MEGF11: variants seen among roughly 807,000 people sequenced by gnomAD.
MEGF11 encodes multiple epidermal growth factor-like domains protein 11.
A neutral mutation model predicts 146.6 loss-of-function variants in MEGF11; 126 were observed. That is an observed-to-expected ratio of 0.86 (90% CI 0.74 to 1.00). MEGF11 has a LOEUF of 1.00. Ranked by LOEUF, MEGF11 falls within the 50% of genes least tolerant of loss-of-function variation. MEGF11 has a pLI of 0.00. For missense variants in MEGF11, 1,509 were observed against 1,521.2 expected, an observed-to-expected ratio of 0.99 and a Z score of 0.13; for synonymous variants, 532 against 583.4, an observed-to-expected ratio of 0.91 and a Z score of 1.27.
At chr15:65,988,335 AT>A (rs2081934829) in intron 5 of MEGF11, among the ~76,000 whole-genome samples, 1 of 152,106 alleles carries the variant, frequency 6.6e-6, no homozygotes, top group African/African-American at 2.4e-5. Context: ...GCCTGTTTAG[AT>A]ATTTCTAGAT....
rs979521048 is a variant in MEGF11, at chr15:66,045,279, C to T, written c.394+49123G>A. ...ACAGAGCCTCTCATACCTCACTGCT[C>T]TCCTGTGGATGCCTAGAGCCCTGTG... On this transcript the variant is annotated intron_variant, in intron 5 of 25. Transcript: ENST00000395614. Among the ~76,000 whole-genome samples the T allele has an allele frequency of 2.0e-5, 3 of 152,328 alleles. No individual in the cohort carries two copies. The East Asian group carries it at 5.8e-4, about 29-fold the overall frequency.
rs549840817 is a variant in MEGF11 at position 66,136,243 on chromosome 15, G to A, written c.-8-7832C>T. On this transcript the variant is annotated intron_variant, in intron 1 of 25. Coordinates refer to ENST00000395614, the MANE Select transcript of MEGF11 (RefSeq NM_001385028.1). ...GCAAACTGCAGCCCAGTGGTGAAAC[G>A]CGGAGATCAGTATTGCTGTCGTGGT... Among the ~76,000 whole-genome samples, 12 of 152,352 alleles carry A rather than the reference G, an allele frequency of 7.9e-5. No homozygotes were observed. The South Asian group carries it at 1.0e-3, about 13-fold the overall frequency.
intron 1 of MEGF11, among the ~76,000 whole-genome samples, chr15:66,174,687 G>A (rs748959578): frequency 6.6e-6 from 1 of 151,852 alleles, no homozygotes; most frequent in Admixed American, 6.6e-5. Flanking sequence ...AGCCCCACCT[G>A]TGGGGCTATC....
chr15:66,210,670 A>G (rs1357305170), intron 1 of MEGF11, among the ~76,000 whole-genome samples: 1 of 152,208 alleles, frequency 6.6e-6, no homozygotes, highest in East Asian at 1.9e-4. Flanking sequence ...TAAAGGGGAG[A>G]GGGACTTTCA....
intron 10 of MEGF11, among the ~76,000 whole-genome samples, chr15:65,953,969 C>T (rs538180113): frequency 3.3e-5 from 5 of 152,066 alleles, no homozygotes; most frequent in Admixed American, 6.5e-5. Flanking sequence ...CTAAAGACCC[C>T]GGGCAGGGAG....
At chr15:66,115,035 G>C (rs1237277658) in intron 4 of MEGF11, among the ~76,000 whole-genome samples, 1 of 152,210 alleles carries the variant, frequency 6.6e-6, no homozygotes, top group Non-Finnish European at 1.5e-5. Flanking sequence ...GAGCAAGTTG[G>C]TGGCTGAGTC....
chr15:66,148,464 AG>A (rs2089451246), intron 1 of MEGF11, among the ~76,000 whole-genome samples: 1 of 152,138 alleles, frequency 6.6e-6, no homozygotes, highest in South Asian at 2.1e-4. Flanking sequence ...ATGAGGAAAG[AG>A]GGATCAGACA....
At chr15:66,045,985 C>T (rs2084188851) in intron 5 of MEGF11, among the ~76,000 whole-genome samples, 2 of 152,100 alleles carry the variant, frequency 1.3e-5, no homozygotes, top group South Asian at 2.1e-4. Context: ...CACCTGTAAT[C>T]CCAGCTACTC....
At chr15:66,139,803 G>A (rs752271154) in intron 1 of MEGF11, among the ~76,000 whole-genome samples, 9 of 152,192 alleles carry the variant, frequency 5.9e-5, no homozygotes, top group South Asian at 2.1e-4. Flanking sequence ...TGAGGGTTCC[G>A]TGGAAGAATG....
intron 6 of MEGF11, among the ~76,000 whole-genome samples, chr15:65,981,635 A>G (rs148703691): frequency 2.0e-3 from 303 of 152,198 alleles, no homozygotes; most frequent in African/African-American, 6.6e-3. Context: ...GAGAACTTCA[A>G]TCTTGCCTCT....
intron 10 of MEGF11, among the ~76,000 whole-genome samples, chr15:65,943,657 A>G (rs2080086157): frequency 6.6e-6 from 1 of 152,138 alleles, no homozygotes; most frequent in Admixed American, 6.5e-5. Context: ...TACGTGATCC[A>G]TGTAGTATGT....
chr15:66,141,388 G>A (rs1054228468), intron 1 of MEGF11, among the ~76,000 whole-genome samples: 20 of 151,792 alleles, frequency 1.3e-4, no homozygotes, highest in Non-Finnish European at 2.6e-4. Flanking sequence ...GGATGTTAAT[G>A]CTATTGTGAG....
chr15:66,103,295 G>A (rs899043459), intron 4 of MEGF11, among the ~76,000 whole-genome samples: 2 of 152,188 alleles, frequency 1.3e-5, no homozygotes, highest in Non-Finnish European at 2.9e-5. Flanking sequence ...TGGCTATAAC[G>A]GAATGGTTAT....
rs765042547 is a variant in MEGF11, at chr15:66,128,321, C to T, written c.83G>A (p.Cys28Tyr). Residue 28 changes from cysteine to tyrosine, a missense_variant, in exon 2 of 26, where the codon TGC (cysteine) becomes TAC (tyrosine). Physicochemically the swap from Cys to Tyr is radical, Grantham distance 194. Transcript: ENST00000395614. ...LALNPEDPNV[C>Y]SHWESYAVTV... Reference sequence around the variant, plus strand: ...CACACCTTACCTCTCCCAGTGGCTGCACACGTTGGGGTCCTCGGGGTTCAG... The same window carrying T: ...CACACCTTACCTCTCCCAGTGGCTGTACACGTTGGGGTCCTCGGGGTTCAG... 43 of 1,517,996 alleles carry T rather than the reference C, an allele frequency of 2.8e-5. No homozygotes were observed. In the South Asian group the frequency reaches 5.2e-4, roughly 18 times the overall value. The allele number at this position is 1,517,996 out of a possible 1,614,324, so 94.0% of individuals were successfully genotyped here. A position where few individuals can be genotyped will look rare whatever the true frequency, so the allele number is the denominator to read the frequency against.
chr15:66,052,767 G>A (rs1396484164), intron 5 of MEGF11, among the ~76,000 whole-genome samples: 1 of 152,154 alleles, frequency 6.6e-6, no homozygotes, highest in Non-Finnish European at 1.5e-5. Flanking sequence ...TCCCATCTTT[G>A]AACAACTAAA....
intron 5 of MEGF11, among the ~76,000 whole-genome samples, chr15:66,057,333 C>T (rs180872070): frequency 1.3e-5 from 2 of 152,272 alleles, no homozygotes; most frequent in Non-Finnish European, 2.9e-5. Context: ...GGTGCTGGCT[C>T]AGAGACCCTA....
At chr15:66,052,321 G>C (rs2084482771) in intron 5 of MEGF11, among the ~76,000 whole-genome samples, 1 of 152,174 alleles carries the variant, frequency 6.6e-6, no homozygotes. Flanking sequence ...TGATGGCCCA[G>C]CCGTCCTTGT....
At chr15:66,173,050 T>C (rs899573048) in intron 1 of MEGF11, among the ~76,000 whole-genome samples, 5 of 152,204 alleles carry the variant, frequency 3.3e-5, no homozygotes, top group East Asian at 1.9e-4. Flanking sequence ...GACAGCAGTG[T>C]TGATGCACCT....
intron 5 of MEGF11, among the ~76,000 whole-genome samples, chr15:66,051,370 G>T (rs911007909): frequency 1.3e-5 from 2 of 151,960 alleles, no homozygotes; most frequent in Non-Finnish European, 2.9e-5. Flanking sequence ...GGCTGGGATG[G>T]GAAGCAGGAA....
Sources: gnomAD v4.1 joint callset for allele counts (sites outside exome capture counted in the v4.1 genomes callset) on GRCh38, gnomAD v4.1.1 for gene constraint, MANE v1.5 for transcripts, NCBI Gene and HGNC (gene_info 2026-07-23, HGNC 2026-07-21) for gene names.